FRMPD4: variants seen among roughly 807,000 people sequenced by gnomAD.
The protein encoded by FRMPD4 is FERM and PDZ domain containing 4.
Under a neutral mutation model 94.1 loss-of-function variants are expected in FRMPD4, and 22 were observed. The ratio of observed to expected loss-of-function variants is 0.23; its 90% confidence interval spans 0.17 to 0.33. The LOEUF is 0.33. Ranked by LOEUF, FRMPD4 falls within the 10% of genes least tolerant of loss-of-function variation. FRMPD4 has a pLI of 1.00. For missense variants in FRMPD4, 1,111 were observed against 1,339.9 expected (o/e 0.83, Z 2.67); for synonymous variants, 631 against 548.6 (o/e 1.15, Z -2.10).
At chrX:12,394,072 A>G (rs770022053) in intron 1 of FRMPD4, among the ~76,000 whole-genome samples, 12 of 112,080 alleles carry the variant, frequency 1.1e-4, no homozygotes, top group Non-Finnish European at 1.7e-4. Context: ...TATATAAGTT[A>G]TGTGTGATAT....
chrX:11,858,367 C>A (rs991313240), intron 1 of FRMPD4, among the ~76,000 whole-genome samples: 1 of 111,507 alleles, frequency 9.0e-6, no homozygotes, highest in Admixed American at 9.5e-5. Flanking sequence ...GAATAGTATG[C>A]AGCTATAAAA....
intron 2 of FRMPD4, among the ~76,000 whole-genome samples, chrX:12,508,288 T>C (rs1389660956): frequency 9.0e-6 from 1 of 110,993 alleles, no homozygotes; most frequent in Non-Finnish European, 1.9e-5. Context: ...TCTTTTTTTT[T>C]TTTAAGCTCA....
At chrX:12,384,061 C>T (rs2056363651) in intron 1 of FRMPD4, among the ~76,000 whole-genome samples, 1 of 111,607 alleles carries the variant, frequency 9.0e-6, no homozygotes, top group Non-Finnish European at 1.9e-5. Flanking sequence ...TGCTAAGCTG[C>T]CTCCATTATA....
rs1410159975 is a variant in FRMPD4, at chrX:12,463,695, TTTG to T, written c.42-34982_42-34980del. Among the ~76,000 whole-genome samples the T allele has an allele frequency of 4.5e-4, 43 of 95,852 alleles. 1 individual carries two copies. Among genetic ancestry groups the T allele is most frequent in the South Asian group, 2.2e-3 (4 of 1,856 alleles). 83.2% of individuals were successfully genotyped at this position (95,852 alleles called of 115,157 possible). ...CCTATGTGTGTGTTTTTTTTTTGTT[TTTG>T]TTTTTTTTTTTTAACAGAGCATGAA... On this transcript the variant is annotated intron_variant, in intron 1 of 16. Coordinates refer to ENST00000675598, the MANE Select transcript of FRMPD4 (RefSeq NM_001368397.1).
chrX:12,536,980 A>T (rs1259061343), intron 2 of FRMPD4, among the ~76,000 whole-genome samples: 1 of 111,754 alleles, frequency 8.9e-6, no homozygotes, highest in Non-Finnish European at 1.9e-5. Context: ...ATTTATCTAG[A>T]TTACTGAGCT....
chrX:12,340,955 T>C (rs1338501885), intron 1 of FRMPD4, among the ~76,000 whole-genome samples: 3 of 112,221 alleles, frequency 2.7e-5, no homozygotes, highest in African/African-American at 9.7e-5. Context: ...GATAGCATCC[T>C]GGAGTGAGGA....
intron 3 of FRMPD4, among the ~76,000 whole-genome samples, chrX:12,002,191 C>G (rs889471563): frequency 8.9e-6 from 1 of 111,829 alleles, no homozygotes; most frequent in African/African-American, 3.2e-5. Context: ...ATTAAGGATG[C>G]ATTTTAATTA....
rs1186794311 is a variant in FRMPD4, at chrX:12,635,034, A to T, written c.422+20153A>T. Reference sequence around the variant, plus strand: ...TTTTTAGTAGAGATGGGATTTCACCATGTTGGCCAAGCTGGTCTCGAACTC... The same window carrying T: ...TTTTTAGTAGAGATGGGATTTCACCTTGTTGGCCAAGCTGGTCTCGAACTC... On this transcript the variant is annotated intron_variant, in intron 4 of 16. Transcript: ENST00000675598. 8.2e-5 allele frequency among the ~76,000 whole-genome samples: 9 copies of T among 109,753 alleles called. No homozygotes were observed. In the East Asian group the frequency reaches 2.3e-3, roughly 28 times the overall value.
chrX:12,383,616 G>A (rs1037768224), intron 1 of FRMPD4, among the ~76,000 whole-genome samples: 9 of 111,244 alleles, frequency 8.1e-5, no homozygotes, highest in South Asian at 3.9e-4. Flanking sequence ...TGCCTGCGCC[G>A]CCTGAGTTCA....
chrX:12,334,148 C>T (rs1471244150), intron 1 of FRMPD4, among the ~76,000 whole-genome samples: 1 of 112,036 alleles, frequency 8.9e-6, no homozygotes, highest in Non-Finnish European at 1.9e-5. Flanking sequence ...CACTATCTGC[C>T]TTACAGTGGA....
chrX:12,697,219 C>G (rs2147130760), intron 9 of FRMPD4, among the ~76,000 whole-genome samples: 1 of 111,847 alleles, frequency 8.9e-6, no homozygotes, highest in Admixed American at 9.5e-5. Context: ...TCACCTGGAC[C>G]CCTCACTTGT....
intron 2 of FRMPD4, among the ~76,000 whole-genome samples, chrX:12,582,203 C>T (rs1432433814): frequency 8.9e-6 from 1 of 112,229 alleles, no homozygotes; most frequent in Non-Finnish European, 1.9e-5. Flanking sequence ...CACTATATGC[C>T]CTTCACGCAG....
intron 1 of FRMPD4, among the ~76,000 whole-genome samples, chrX:12,167,420 G>T (rs1411243109): frequency 1.8e-5 from 2 of 111,676 alleles, no homozygotes; most frequent in Non-Finnish European, 1.9e-5. Flanking sequence ...CTGAGAGACA[G>T]TTTGTTATAA....
At chrX:12,444,155 G>T (rs951598136) in intron 1 of FRMPD4, among the ~76,000 whole-genome samples, 2 of 109,699 alleles carry the variant, frequency 1.8e-5, no homozygotes, top group African/African-American at 6.7e-5. Flanking sequence ...AGACATAGGG[G>T]TTATTCATGA....
chrX:11,972,689 ATTC>A (rs1262471337), intron 3 of FRMPD4, among the ~76,000 whole-genome samples: 1 of 112,191 alleles, frequency 8.9e-6, no homozygotes, highest in African/African-American at 3.2e-5. Flanking sequence ...TAGAATACCT[ATTC>A]TTTGCAGTGT....
chrX:11,984,205 TA>T (rs1399930749), intron 3 of FRMPD4, among the ~76,000 whole-genome samples: 1 of 112,221 alleles, frequency 8.9e-6, no homozygotes, highest in Non-Finnish European at 1.9e-5. Context: ...AAGCTTTGGC[TA>T]ACTTTCTCAA....
chrX:12,264,041 C>A (rs1050642172), intron 1 of FRMPD4, among the ~76,000 whole-genome samples: 7 of 111,070 alleles, frequency 6.3e-5, no homozygotes, highest in African/African-American at 2.3e-4. Context: ...ATTAAGTTGC[C>A]AACACGTGCT....
intron 2 of FRMPD4, among the ~76,000 whole-genome samples, chrX:12,584,730 ATAAT>A (rs1334425082): frequency 8.9e-6 from 1 of 112,118 alleles, no homozygotes; most frequent in African/African-American, 3.2e-5. Flanking sequence ...CATGGTTCAA[ATAAT>A]TCTGAATCAA....
chrX:12,184,882 T>C (rs1395129835), intron 1 of FRMPD4, among the ~76,000 whole-genome samples: 2 of 111,149 alleles, frequency 1.8e-5, no homozygotes, highest in Non-Finnish European at 3.8e-5. Flanking sequence ...GGATGGTTAA[T>C]GGGTACAAAA....
Sources: allele counts gnomAD v4.1 joint callset (sites outside exome capture counted in the v4.1 genomes callset), GRCh38; gene constraint gnomAD v4.1.1; transcripts MANE v1.5; gene names NCBI Gene and HGNC (gene_info 2026-07-23, HGNC 2026-07-21).